GNA15: variants seen among roughly 807,000 people sequenced by gnomAD.
GNA15 encodes G protein subunit alpha 15.
GNA15 carries 23 observed loss-of-function variants against 40.1 expected under a neutral mutation model. That is an observed-to-expected ratio of 0.57 (90% CI 0.41 to 0.81). GNA15 has a LOEUF of 0.81. Among genes scored for constraint, GNA15 ranks in the 40% least tolerant of loss-of-function variants. GNA15 has a pLI of 0.00. For synonymous variants in GNA15, 226 were observed against 210.4 expected (o/e 1.07, Z -0.64); for missense variants, 522 against 515.8 (o/e 1.01, Z -0.12).
At chr19:3,147,864 G>C (rs1479841198) in intron 1 of GNA15, among the ~76,000 whole-genome samples, 23 of 147,300 alleles carry the variant, frequency 1.6e-4, no homozygotes, top group Middle Eastern at 3.5e-3. Context: ...CTCCAGCCTG[G>C]GTGACAGAGC....
chr19:3,136,692 CAT>C lies in GNA15; in HGVS notation c.145+98_145+99del, dbSNP rs1161056457. ...AGGAGGCGGATCAGGCTAGGTCAGA[CAT>C]TGGCATCGTGGAGCCGTCGCCTCCT... is the stretch of plus-strand genomic sequence containing the variant. On this transcript the variant is annotated intron_variant, in intron 1 of 6. Coordinates refer to ENST00000262958, the MANE Select transcript of GNA15 (RefSeq NM_002068.4). The surrounding 1 kb of genome is among the most constrained non-coding windows in gnomAD (Gnocchi z 4.9). 8.7e-7 allele frequency: 1 copy of C among 1,155,448 alleles called. No individual in the cohort carries two copies. The highest frequency in any genetic ancestry group is 1.2e-6 in the Non-Finnish European group (1 of 819,864). The allele number at this position is 1,155,448 out of a possible 1,614,324, so 71.6% of individuals were successfully genotyped here.
At chr19:3,156,358 A>G (rs1002777112) in intron 5 of GNA15, among the ~76,000 whole-genome samples, 3 of 151,644 alleles carry the variant, frequency 2.0e-5, no homozygotes, top group African/African-American at 7.3e-5. Context: ...CACCACACAC[A>G]TGCACACTTG....
intron 1 of GNA15, chr19:3,146,459 G>T (rs1236345434): frequency 6.6e-6 from 1 of 152,170 alleles, no homozygotes; most frequent in African/African-American, 2.4e-5. Context: ...CGGTTTGGCA[G>T]GTGCGCGAAC....
intron 3 of GNA15, 87 bp downstream of exon 3, chr19:3,150,372 T>C (rs1914851220): frequency 1.7e-6 from 2 of 1,198,540 alleles, no homozygotes; most frequent in Admixed American, 2.3e-5. Context: ...GCAGGAGATA[T>C]TGTGGGCGCA....
chr19:3,150,333 G>C, intron 3 of GNA15, 48 bp downstream of exon 3: 4 of 1,462,114 alleles, frequency 2.7e-6, no homozygotes, highest in South Asian at 2.6e-5. Flanking sequence ...GGGGCTGAGG[G>C]CAGGGGCCAG....
Position 3,140,700 on chromosome 19 carries a change from G to A in GNA15, c.145+4105G>A, listed in dbSNP as rs568758656. On this transcript the variant is annotated intron_variant, in intron 1 of 6. Coordinates refer to ENST00000262958, the MANE Select transcript of GNA15 (RefSeq NM_002068.4). ...CCCTGTGTCTCCAGCATCTAGCACA[G>A]GTGTACAATGAGCCTGCCATATAGT... Among the ~76,000 whole-genome samples the A allele has an allele frequency of 4.7e-4, 72 of 152,300 alleles. No homozygotes were observed. The South Asian group carries it at 5.0e-3, about 11-fold the overall frequency.
chr19:3,138,262 G>A (rs757340286), intron 1 of GNA15, among the ~76,000 whole-genome samples: 5 of 151,070 alleles, frequency 3.3e-5, no homozygotes, highest in South Asian at 2.1e-4. Flanking sequence ...ACAAAACTCC[G>A]TCTCAAAAAA....
chr19:3,162,873 C>T lies in GNA15; in HGVS notation c.979C>T (p.Pro327Ser), dbSNP rs777690665. Reference protein sequence around the residue: ...TRMYTGCVDGPEGSKKGARSR... With the variant: ...TRMYTGCVDGSEGSKKGARSR... ...GATGTACACCGGGTGCGTGGACGGCCCCGAGGGCAGCAAGAAGGGCGCACG... is the reference window on the plus strand; with the variant it reads ...GATGTACACCGGGTGCGTGGACGGCTCCGAGGGCAGCAAGAAGGGCGCACG... Residue 327 changes from proline (P) to serine (S), a missense_variant, in exon 7 of 7, where the codon CCC becomes TCC. Coordinates refer to ENST00000262958, the MANE Select transcript of GNA15 (RefSeq NM_002068.4). 22 of 1,613,934 alleles carry T rather than the reference C, an allele frequency of 1.4e-5. No homozygotes were observed. The highest frequency in any genetic ancestry group is 1.3e-4 in the South Asian group (12 of 91,086).
At chr19:3,156,927 G>T (rs550887458) in intron 5 of GNA15, among the ~76,000 whole-genome samples, 2 of 152,252 alleles carry the variant, frequency 1.3e-5, no homozygotes, top group East Asian at 3.9e-4. Context: ...AGGTTCTAGG[G>T]GGTTAGGTCT....
chr19:3,155,855 G>GTA lies in GNA15; in HGVS notation c.648_649dup (p.Lys217IlefsTer11). 6.2e-7 allele frequency: 1 copy of GTA among 1,613,916 alleles called. No individual in the cohort carries two copies. The highest frequency in any genetic ancestry group is 8.5e-7 in the Non-Finnish European group (1 of 1,179,972). On this transcript the variant is annotated frameshift_variant, in exon 5 of 7. Transcript: ENST00000262958. LOFTEE classifies it high-confidence loss of function. This position sits in a 1 kb window ranked among gnomAD's most constrained non-coding sequence, Gnocchi z 5.6. Reference sequence around the variant, plus strand: ...GACGTCGGGGGCCAGAAGTCAGAGCGTAAGAAATGGATCCATTGTTTCGAG... The same window carrying GTA: ...GACGTCGGGGGCCAGAAGTCAGAGCGTATAAGAAATGGATCCATTGTTTCGAG...
At chr19:3,152,908 G>A (rs1162902210) in intron 4 of GNA15, among the ~76,000 whole-genome samples, 1 of 152,142 alleles carries the variant, frequency 6.6e-6, no homozygotes, top group Non-Finnish European at 1.5e-5. Flanking sequence ...ACAAGGTTAG[G>A]GGCTGAGTTT....
intron 2 of GNA15, 188 bp downstream of exon 2, chr19:3,148,963 G>A (rs1019483998): frequency 1.7e-6 from 1 of 596,118 alleles, no homozygotes; most frequent in Middle Eastern, 4.5e-4. Flanking sequence ...ACATACAAGT[G>A]CACACACAAG....
At position 3,148,649 on chromosome 19, in the gene GNA15, C is replaced by T. The variant is rs1289532211; in HGVS notation, c.204C>T (p.Ala68=). 5.0e-6 allele frequency: 8 copies of T among 1,589,202 alleles called. No homozygotes were observed. The highest frequency in any genetic ancestry group is 2.3e-5 in the East Asian group (1 of 43,756). Residue 68 remains alanine (A), a synonymous_variant, in exon 2 of 7, where the codon GCC becomes GCT. Coordinates refer to ENST00000262958, the MANE Select transcript of GNA15 (RefSeq NM_002068.4). ...AGCAGATGCGGATCATCCACGGCGC[C>T]GGCTACTCGGAGGAGGAGCGCAAGG... is the stretch of plus-strand genomic sequence containing the variant. The part of the protein sequence containing the change: ...FIKQMRIIHG[A]GYSEEERKGF...
chr19:3,153,688 T>A (rs896191357), intron 4 of GNA15, among the ~76,000 whole-genome samples: 6 of 140,994 alleles, frequency 4.3e-5, no homozygotes, highest in Non-Finnish European at 9.1e-5. Context: ...AGTGGATAGA[T>A]GGATGGGTGG....
rs767195511 is a variant in GNA15, at chr19:3,138,954, TC to T, written c.145+2360del. Among the ~76,000 whole-genome samples the T allele has an allele frequency of 2.2e-4, 30 of 133,916 alleles. 2 individuals are homozygous for T. Among genetic ancestry groups the T allele is most frequent in the Admixed American group, 4.9e-4 (6 of 12,176 alleles). The allele number at this position is 133,916 out of a possible 152,430, so 87.9% of individuals were successfully genotyped here. ...CGCCCAGCCTCTTTTTTTTTTTTTTTCTTTTTTTTTAGATTGAGTCTTGCTC... is the reference window on the plus strand; with the variant it reads ...CGCCCAGCCTCTTTTTTTTTTTTTTTTTTTTTTTTAGATTGAGTCTTGCTC... On this transcript the variant is annotated intron_variant, in intron 1 of 6. Coordinates refer to ENST00000262958, the MANE Select transcript of GNA15 (RefSeq NM_002068.4).
chr19:3,159,589 C>G (rs1341371999), intron 6 of GNA15, among the ~76,000 whole-genome samples: 2 of 151,406 alleles, frequency 1.3e-5, no homozygotes, highest in Non-Finnish European at 2.9e-5. Context: ...AGGTGATCCA[C>G]CCGCCTCGGC....
chr19:3,143,527 C>T (rs1914625963), intron 1 of GNA15, among the ~76,000 whole-genome samples: 1 of 152,060 alleles, frequency 6.6e-6, no homozygotes, highest in Non-Finnish European at 1.5e-5. Flanking sequence ...TGGTGCACAC[C>T]TGTAATGACA....
At chr19:3,153,517 ATGGATGAGTGGG>A (rs1361418272) in intron 4 of GNA15, among the ~76,000 whole-genome samples, 7 of 149,268 alleles carry the variant, frequency 4.7e-5, no homozygotes, top group African/African-American at 1.7e-4. Context: ...TGATACATGA[ATGGATGAGTGGG>A]TGGATGAGTG....
chr19:3,152,532 C>T (rs1914904084), intron 4 of GNA15, among the ~76,000 whole-genome samples: 1 of 152,122 alleles, frequency 6.6e-6, no homozygotes, highest in African/African-American at 2.4e-5. Context: ...CCTTAGCTGG[C>T]AGACAGAGGT....
Sources: allele counts gnomAD v4.1 joint callset (sites outside exome capture counted in the v4.1 genomes callset), GRCh38; gene constraint gnomAD v4.1.1; non-coding constraint Gnocchi (gnomAD v3.1); transcripts MANE v1.5; gene names NCBI Gene and HGNC (gene_info 2026-07-23, HGNC 2026-07-21).